The following OTOGL variants were observed in gnomAD, a reference collection of about 807,000 sequenced individuals.
OTOGL encodes the protein otogelin like, also known as otogelin-like protein.
A neutral mutation model predicts 318.5 loss-of-function variants in OTOGL; 285 were observed. That is an observed-to-expected ratio of 0.89 (90% CI 0.81 to 0.99). OTOGL has a LOEUF of 0.99. Ranked by LOEUF, OTOGL falls within the 50% of genes least tolerant of loss-of-function variation. OTOGL has a pLI of 0.00. For synonymous variants in OTOGL, 987 were observed against 936.5 expected (o/e 1.05, Z -0.99); for missense variants, 2,899 against 2,845.6 (o/e 1.02, Z -0.43).
intron 22 of OTOGL, among the ~76,000 whole-genome samples, chr12:80,267,855 G>A (rs1344252614): frequency 6.6e-6 from 1 of 151,780 alleles, no homozygotes; most frequent in African/African-American, 2.4e-5. Flanking sequence ...GCAGAAAGGA[G>A]TTATGAATTT....
chr12:80,268,409 G>A (rs1037624810), intron 22 of OTOGL, among the ~76,000 whole-genome samples: 2 of 152,084 alleles, frequency 1.3e-5, no homozygotes, highest in African/African-American at 4.8e-5. Context: ...ACTAAAGCTG[G>A]GAGTTAGTCC....
chr12:80,339,302 T>TG, intron 43 of OTOGL, 38 bp downstream of exon 43: 3 of 874,296 alleles, frequency 3.4e-6, no homozygotes, highest in South Asian at 2.1e-5. Flanking sequence ...TCGTCTGTTT[T>TG]TTTTTTTTTT....
At chr12:80,120,101 T>C (rs1311708461) in intron 1 of OTOGL, among the ~76,000 whole-genome samples, 1 of 152,146 alleles carries the variant, frequency 6.6e-6, no homozygotes, top group Non-Finnish European at 1.5e-5. Flanking sequence ...TTGAATATGC[T>C]GGTTATCTTT....
chr12:80,177,486 C>A (rs1291531236), intron 1 of OTOGL, among the ~76,000 whole-genome samples: 1 of 152,122 alleles, frequency 6.6e-6, no homozygotes, highest in Non-Finnish European at 1.5e-5. Flanking sequence ...TGCCTTAACA[C>A]AAATACCATA....
chr12:80,152,913 C>A (rs7976086), intron 1 of OTOGL, among the ~76,000 whole-genome samples: 2 of 152,022 alleles, frequency 1.3e-5, no homozygotes, highest in Non-Finnish European at 2.9e-5. Flanking sequence ...AGGCAGGTGC[C>A]AATTTCGTAA....
chr12:80,313,558 C>T lies in OTOGL; in HGVS notation c.3533C>T (p.Thr1178Ile), dbSNP rs531848868. The T allele has an allele frequency of 1.2e-6, 2 of 1,611,964 alleles. No individual in the cohort carries two copies. The highest frequency in any genetic ancestry group is 2.7e-5 in the African/African-American group (2 of 74,816). The stretch of plus-strand genomic sequence containing the variant: ...GGTGGCGACTGTGAGTGTTTGTGCA[C>T]TAGTATAGCTGCATATGCATACAAG... ...NLGGDCECLCTSIAAYAYKCC... is the reference protein window; with the variant it reads ...NLGGDCECLCISIAAYAYKCC... Residue 1178 changes from threonine to isoleucine, a missense_variant, in exon 31 of 59, where the codon ACT (threonine) becomes ATT (isoleucine). Transcript: ENST00000547103.
In OTOGL at chr12:80,378,973, A is replaced by C. The variant is rs756936766; in HGVS notation, c.*925A>C. ...TTAACATTTAGTTACTGTCTCATTAATATTTAATTTTGAGGATGTACTTGC... is the reference window on the plus strand; with the variant it reads ...TTAACATTTAGTTACTGTCTCATTACTATTTAATTTTGAGGATGTACTTGC... On this transcript the variant is annotated 3_prime_UTR_variant, in exon 59 of 59. Transcript: ENST00000547103. 3.9e-5 allele frequency: 6 copies of C among 152,550 alleles called. No individual in the cohort carries two copies. The highest frequency in any genetic ancestry group is 7.4e-5 in the Non-Finnish European group (5 of 67,890). 9.4% of individuals were successfully genotyped at this position (152,550 alleles called of 1,614,324 possible).
At chr12:80,337,648 A>G (rs1888499103) in intron 42 of OTOGL, among the ~76,000 whole-genome samples, 1 of 151,914 alleles carries the variant, frequency 6.6e-6, no homozygotes, top group African/African-American at 2.4e-5. Flanking sequence ...TCAGTGCTTC[A>G]CTCAGTTCTA....
At chr12:80,220,583 T>TGTTCCTGTCCTCTTGGAGGCTGC (rs1555278965) in intron 6 of OTOGL, among the ~76,000 whole-genome samples, 12 of 126,680 alleles carry the variant, frequency 9.5e-5, no homozygotes, top group African/African-American at 1.5e-4. Flanking sequence ...TGTAAAAAAA[T>TGTTCCTGTCCTCTTGGAGGCTGC]AGTACTGAGA....
chr12:80,374,484 G>C (rs1405429321), intron 57 of OTOGL, among the ~76,000 whole-genome samples: 2 of 152,042 alleles, frequency 1.3e-5, no homozygotes, highest in Non-Finnish European at 2.9e-5. Context: ...GCTTTAATTA[G>C]ATACACACTG....
intron 1 of OTOGL, among the ~76,000 whole-genome samples, chr12:80,202,887 T>C (rs1191202176): frequency 6.6e-6 from 1 of 152,164 alleles, no homozygotes; most frequent in Non-Finnish European, 1.5e-5. Flanking sequence ...GGTTATTTAA[T>C]AGCATGCACA....
At chr12:80,205,661 A>T (rs1876761254) in intron 1 of OTOGL, among the ~76,000 whole-genome samples, 1 of 152,206 alleles carries the variant, frequency 6.6e-6, no homozygotes, top group Non-Finnish European at 1.5e-5. Flanking sequence ...TGATAACATA[A>T]ATTCTGGATA....
chr12:80,126,945 G>C (rs1451547893), intron 1 of OTOGL, among the ~76,000 whole-genome samples: 2 of 152,150 alleles, frequency 1.3e-5, no homozygotes, highest in African/African-American at 4.8e-5. Context: ...CTCTGCACAT[G>C]AGATGGGTTT....
chr12:80,303,488 C>T (rs966720739), intron 28 of OTOGL, among the ~76,000 whole-genome samples: 5 of 152,172 alleles, frequency 3.3e-5, no homozygotes, highest in African/African-American at 1.2e-4. Context: ...AAATGTTACT[C>T]TTATTGTGTC....
At position 80,257,811 on chromosome 12, in the gene OTOGL, T is replaced by A; in HGVS notation, c.1712-14T>A. The A allele has an allele frequency of 6.4e-7, 1 of 1,554,780 alleles. No homozygotes were observed. Among genetic ancestry groups the A allele is most frequent in the Non-Finnish European group, 8.7e-7 (1 of 1,154,382 alleles). ...GAATGTCAAAGCTGATTTACGTATG[T>A]TCTTTTCCTGCAGGTATTGTTGAAA... is the stretch of plus-strand genomic sequence containing the variant. On this transcript the variant is annotated splice_polypyrimidine_tract_variant and intron_variant, in intron 17 of 58. Coordinates refer to ENST00000547103, the MANE Select transcript of OTOGL (RefSeq NM_001378609.3).
At chr12:80,256,520 A>ACAAC (rs767101706) in intron 17 of OTOGL, 60 bp downstream of exon 17, 6 of 1,514,040 alleles carry the variant, frequency 4.0e-6, no homozygotes, top group Non-Finnish European at 5.3e-6. Context: ...AAACAAACAA[A>ACAAC]CAACACACGC....
intron 11 of OTOGL, among the ~76,000 whole-genome samples, chr12:80,250,356 G>A (rs1881426656): frequency 6.6e-6 from 1 of 151,950 alleles, no homozygotes; most frequent in Admixed American, 6.5e-5. Flanking sequence ...ATATTAATGT[G>A]CCTGTCATGG....
At chr12:80,186,326 A>G (rs1454359159) in intron 1 of OTOGL, among the ~76,000 whole-genome samples, 1 of 152,134 alleles carries the variant, frequency 6.6e-6, no homozygotes, top group Non-Finnish European at 1.5e-5. Context: ...TTTCCTACTT[A>G]GCCGCGTCTC....
chr12:80,362,727 A>C (rs1890308425), intron 52 of OTOGL, among the ~76,000 whole-genome samples: 1 of 152,176 alleles, frequency 6.6e-6, no homozygotes, highest in African/African-American at 2.4e-5. Context: ...GCAACCATCA[A>C]GAAAAGCTTG....
Sources: gnomAD v4.1 joint callset for allele counts (sites outside exome capture counted in the v4.1 genomes callset) on GRCh38, gnomAD v4.1.1 for gene constraint, MANE v1.5 for transcripts, NCBI Gene and HGNC (gene_info 2026-07-23, HGNC 2026-07-21) for gene names.